Variants in RNF20 observed in about 807,000 individuals in gnomAD.
The protein encoded by RNF20 is E3 ubiquitin-protein ligase BRE1A.
RNF20 carries 84 observed loss-of-function variants against 126.2 expected under a neutral mutation model. The observed-to-expected ratio is 0.67, with a 90% confidence interval of 0.56 to 0.80. The LOEUF is 0.80. Among genes scored for constraint, RNF20 ranks in the 30% least tolerant of loss-of-function variants. The pLI is 0.00. For missense variants in RNF20, 869 were observed against 1,188.2 expected (o/e 0.73, Z 3.95); for synonymous variants, 400 against 414.3 (o/e 0.97, Z 0.42).
chr9:101,547,253 T>C, intron 8 of RNF20, 39 bp downstream of exon 8: 2 of 1,607,896 alleles, frequency 1.2e-6, no homozygotes, highest in Admixed American at 1.7e-5. Context: ...GGACTGTATG[T>C]CAGCTTTCAT....
chr9:101,557,354 TA>T, intron 15 of RNF20, 29 bp from the exon 16 acceptor site: 1 of 1,550,668 alleles, frequency 6.4e-7, no homozygotes, highest in Non-Finnish European at 8.9e-7. Flanking sequence ...AAGATTCTTC[TA>T]AAATCAAATC....
intron 15 of RNF20, among the ~76,000 whole-genome samples, chr9:101,556,405 T>G (rs1299305930): frequency 6.6e-6 from 1 of 152,164 alleles, no homozygotes; most frequent in Non-Finnish European, 1.5e-5. Flanking sequence ...CACATGATAC[T>G]TATTATGTGC....
At chr9:101,547,940 TG>T (rs1189191911) in intron 9 of RNF20, among the ~76,000 whole-genome samples, 2 of 152,166 alleles carry the variant, frequency 1.3e-5, no homozygotes, top group Non-Finnish European at 2.9e-5. Context: ...ACGAAAAAAC[TG>T]TTAGAACTAT....
At chr9:101,554,319 G>C (rs1032369448) in intron 14 of RNF20, among the ~76,000 whole-genome samples, 1 of 152,160 alleles carries the variant, frequency 6.6e-6, no homozygotes, top group African/African-American at 2.4e-5. Flanking sequence ...TTATGAGTAG[G>C]CTTTCCAAAG....
At chr9:101,547,709 A>T (rs1005889998) in intron 9 of RNF20, among the ~76,000 whole-genome samples, 191 bp downstream of exon 9, 2 of 152,208 alleles carry the variant, frequency 1.3e-5, no homozygotes, top group African/African-American at 4.8e-5. Context: ...AGGCCATATA[A>T]AACAAGCCCA....
At position 101,562,010 on chromosome 9, in the gene RNF20, AGGTT is replaced by A; in HGVS notation, c.2751_2751+3del. ...CTGATGGAAGAGATTAAGGATTACA[AGGTT>A]AGAAAAAATGCCTTAGTGATTAGTT... On this transcript the variant is annotated splice_donor_variant and splice_donor_region_variant and coding_sequence_variant and intron_variant, in exon 19 of 20. Coordinates refer to ENST00000389120, the MANE Select transcript of RNF20 (RefSeq NM_019592.7). LOFTEE classifies it high-confidence loss of function. 1 of 1,599,982 alleles carries A rather than the reference AGGTT, an allele frequency of 6.3e-7. No individual in the cohort carries two copies. The highest frequency in any genetic ancestry group is 1.7e-5 in the Admixed American group (1 of 57,438).
At chr9:101,544,358 G>A (rs550311121) in intron 5 of RNF20, among the ~76,000 whole-genome samples, 1 of 152,308 alleles carries the variant, frequency 6.6e-6, no homozygotes, top group South Asian at 2.1e-4. Flanking sequence ...TTCCCAAGGT[G>A]CTAGGATTAC....
intron 16 of RNF20, among the ~76,000 whole-genome samples, chr9:101,559,372 C>A (rs917477050): frequency 1.3e-5 from 2 of 152,084 alleles, no homozygotes; most frequent in African/African-American, 4.8e-5. Flanking sequence ...CTTGCTTTGG[C>A]TATGTATGCT....
rs576092601 is a variant in RNF20 at position 101,540,999 on chromosome 9, G to C, written c.628+24G>C. 1.2e-5 allele frequency: 19 copies of C among 1,589,132 alleles called. No individual in the cohort carries two copies. In the East Asian group the frequency reaches 4.3e-4, roughly 36 times the overall value. ...AGGTGAGGCAAGACCCTGGAGGCCG[G>C]GAGTAGTGGAGGAGGAATAAGAATT... is the stretch of plus-strand genomic sequence containing the variant. On this transcript the variant is annotated intron_variant, in intron 5 of 19. Coordinates refer to ENST00000389120, the MANE Select transcript of RNF20 (RefSeq NM_019592.7).
chr9:101,539,849 T>A (rs901989309), intron 2 of RNF20, among the ~76,000 whole-genome samples: 2 of 152,076 alleles, frequency 1.3e-5, no homozygotes, highest in African/African-American at 4.8e-5. Context: ...TGCTGAAGTC[T>A]TTAATGAAGG....
In RNF20 at chr9:101,547,245, A is replaced by C. The variant is rs374055418; in HGVS notation, c.972+31A>C. On this transcript the variant is annotated intron_variant, in intron 8 of 19. Transcript: ENST00000389120. The stretch of plus-strand genomic sequence containing the variant: ...ATCAGTGACTCAGGACATGTTTTGG[A>C]CTGTATGTCAGCTTTCATGCTTAGG... The C allele has an allele frequency of 5.0e-6, 8 of 1,610,998 alleles. No individual in the cohort carries two copies. In the African/African-American group the frequency reaches 9.3e-5, roughly 19 times the overall value.
At chr9:101,546,090 T>C (rs550995113) in intron 6 of RNF20, among the ~76,000 whole-genome samples, 130 of 152,284 alleles carry the variant, frequency 8.5e-4, no homozygotes, top group African/African-American at 3.0e-3. Context: ...GACATTTCCA[T>C]TGGGTCTCTA....
chr9:101,553,520 A>G (rs1173673099), intron 13 of RNF20, among the ~76,000 whole-genome samples: 1 of 152,238 alleles, frequency 6.6e-6, no homozygotes, highest in Non-Finnish European at 1.5e-5. Flanking sequence ...ATCTAGGATT[A>G]ACAGTATATC....
intron 5 of RNF20, among the ~76,000 whole-genome samples, chr9:101,542,337 A>C (rs185012364): frequency 2.3e-3 from 356 of 152,352 alleles, no homozygotes; most frequent in African/African-American, 8.2e-3. Flanking sequence ...AAGTTTCCCC[A>C]TTCTCATTTC....
intron 6 of RNF20, among the ~76,000 whole-genome samples, chr9:101,545,130 G>A (rs1220602708): frequency 6.6e-6 from 1 of 152,200 alleles, no homozygotes; most frequent in Non-Finnish European, 1.5e-5. Context: ...AGAAACTACT[G>A]TATTGATGAT....
rs762328357 is a variant in RNF20, at chr9:101,562,025, C to T, written c.2751+14C>T. The T allele has an allele frequency of 1.0e-5, 16 of 1,561,396 alleles. No individual in the cohort carries two copies. In the East Asian group the frequency reaches 1.1e-4, roughly 11 times the overall value. On this transcript the variant is annotated intron_variant, in intron 19 of 19. Coordinates refer to ENST00000389120, the MANE Select transcript of RNF20 (RefSeq NM_019592.7). ...AAGGATTACAAGGTTAGAAAAAATG[C>T]CTTAGTGATTAGTTTTTTGTCAAAG...
chr9:101,546,789 A>T (rs754787686), intron 6 of RNF20, 31 bp from the exon 7 acceptor site: 2 of 1,611,840 alleles, frequency 1.2e-6, no homozygotes, highest in Middle Eastern at 1.7e-4. Flanking sequence ...TTTTTGCTAT[A>T]TGTTTCTGAA....
At chr9:101,541,087 T>A in intron 5 of RNF20, 112 bp downstream of exon 5, 1 of 793,310 alleles carries the variant, frequency 1.3e-6, no homozygotes, top group Non-Finnish European at 1.8e-6. Context: ...ATTTATTATT[T>A]ACTTTTTAAG....
intron 5 of RNF20, among the ~76,000 whole-genome samples, chr9:101,543,520 C>T (rs1426913315): frequency 6.8e-6 from 1 of 147,350 alleles, no homozygotes; most frequent in Non-Finnish European, 1.5e-5. Flanking sequence ...CACTGCAGTA[C>T]TGTCCAACCC....
Sources: gnomAD v4.1 joint callset for allele counts (sites outside exome capture counted in the v4.1 genomes callset) on GRCh38, gnomAD v4.1.1 for gene constraint, MANE v1.5 for transcripts, NCBI Gene and HGNC (gene_info 2026-07-23, HGNC 2026-07-21) for gene names.